The following SMYD3 variants were observed in gnomAD, a reference collection of about 807,000 sequenced individuals.
SMYD3 encodes the protein histone-lysine N-methyltransferase SMYD3.
A neutral mutation model predicts 57.7 loss-of-function variants in SMYD3; 36 were observed. The ratio of observed to expected loss-of-function variants is 0.62; its 90% CI spans 0.48 to 0.82. SMYD3 has a LOEUF of 0.82. SMYD3 is among the 40% of genes least tolerant of loss of function. SMYD3 has a pLI of 0.00. For synonymous variants in SMYD3, 211 were observed against 195.0 expected, an observed-to-expected ratio of 1.08 and a Z score of -0.68; for missense variants, 515 against 538.8, an observed-to-expected ratio of 0.96 and a Z score of 0.44.
intron 7 of SMYD3, among the ~76,000 whole-genome samples, chr1:245,924,811 C>T (rs556151344): frequency 2.3e-4 from 35 of 151,968 alleles, no homozygotes; most frequent in Non-Finnish European, 4.0e-4. Context: ...TACAGGTGTG[C>T]GCCACCACAC....
intron 1 of SMYD3, among the ~76,000 whole-genome samples, chr1:246,442,331 CTG>C (rs1379179237): frequency 2.6e-5 from 4 of 151,802 alleles, no homozygotes; most frequent in African/African-American, 9.7e-5. Context: ...CCGAGGCAGG[CTG>C]AGGTCACGAG....
chr1:245,985,024 A>T (rs1486746590), intron 5 of SMYD3, among the ~76,000 whole-genome samples: 1 of 151,780 alleles, frequency 6.6e-6, no homozygotes, highest in African/African-American at 2.4e-5. Flanking sequence ...TCCCTGTTTG[A>T]CTCTCTGCCT....
intron 5 of SMYD3, among the ~76,000 whole-genome samples, chr1:246,115,705 A>G (rs751262641): frequency 5.3e-5 from 8 of 152,158 alleles, no homozygotes; most frequent in Non-Finnish European, 1.2e-4. Context: ...GAAAAGAAAA[A>G]CATTTCTTGA....
intron 1 of SMYD3, among the ~76,000 whole-genome samples, chr1:246,358,058 G>A (rs1431870858): frequency 2.0e-5 from 3 of 152,150 alleles, no homozygotes; most frequent in Non-Finnish European, 2.9e-5. Context: ...AATTTCTGCT[G>A]TCTTCAGGAG....
At chr1:246,339,753 A>G (rs907698312) in intron 2 of SMYD3, among the ~76,000 whole-genome samples, 2 of 152,224 alleles carry the variant, frequency 1.3e-5, no homozygotes, top group African/African-American at 4.8e-5. Context: ...TCAGTAGCAC[A>G]GCGCTCACGA....
intron 5 of SMYD3, among the ~76,000 whole-genome samples, chr1:245,946,042 A>G (rs2057418184): frequency 6.6e-6 from 1 of 152,200 alleles, no homozygotes; most frequent in Non-Finnish European, 1.5e-5. Flanking sequence ...ATGGGGTGAT[A>G]GCTGCAGCAA....
chr1:246,506,279 G>A (rs974982585), intron 1 of SMYD3, among the ~76,000 whole-genome samples: 1 of 152,088 alleles, frequency 6.6e-6, no homozygotes, highest in African/African-American at 2.4e-5. Context: ...CTTTCACATA[G>A]CACTTTACAC....
intron 2 of SMYD3, among the ~76,000 whole-genome samples, chr1:246,347,623 C>T (rs1031462213): frequency 3.3e-5 from 5 of 152,106 alleles, no homozygotes; most frequent in African/African-American, 1.2e-4. Context: ...AGAGGTGGGA[C>T]CATTAAGAGG....
intron 10 of SMYD3, among the ~76,000 whole-genome samples, chr1:245,795,120 G>A (rs1447166953): frequency 6.6e-6 from 1 of 151,968 alleles, no homozygotes; most frequent in African/African-American, 2.4e-5. Context: ...AAGTGCCTAC[G>A]CCCTCATCTT....
chr1:246,501,330 C>G (rs910626659), intron 1 of SMYD3, among the ~76,000 whole-genome samples: 2 of 152,186 alleles, frequency 1.3e-5, no homozygotes, highest in East Asian at 3.8e-4. Context: ...TGAAACTATT[C>G]ATGCCAATGT....
chr1:246,450,283 C>A (rs2067613546), intron 1 of SMYD3, among the ~76,000 whole-genome samples: 1 of 151,560 alleles, frequency 6.6e-6, no homozygotes, highest in East Asian at 1.9e-4. Context: ...AAAAGCGAAA[C>A]TCTATCTCAA....
At chr1:245,797,390 G>T (rs1216389943) in intron 10 of SMYD3, among the ~76,000 whole-genome samples, 2 of 151,152 alleles carry the variant, frequency 1.3e-5, no homozygotes, top group African/African-American at 2.5e-5. Flanking sequence ...CATGGATGAA[G>T]CTGGAAACCA....
intron 5 of SMYD3, among the ~76,000 whole-genome samples, chr1:246,269,861 C>A (rs1240402689): frequency 6.6e-6 from 1 of 152,168 alleles, no homozygotes; most frequent in Non-Finnish European, 1.5e-5. Context: ...GCGTGTACCA[C>A]CACACCCAGC....
chr1:245,862,559 A>G (rs1162083111), intron 9 of SMYD3, among the ~76,000 whole-genome samples: 3 of 152,086 alleles, frequency 2.0e-5, no homozygotes, highest in Non-Finnish European at 4.4e-5. Flanking sequence ...CTCCCCATCT[A>G]CGTCACTTTG....
intron 5 of SMYD3, among the ~76,000 whole-genome samples, chr1:246,259,875 G>A (rs188279334): frequency 1.3e-5 from 2 of 152,202 alleles, no homozygotes; most frequent in Non-Finnish European, 2.9e-5. Context: ...TCTCTGCACA[G>A]GAATGGGAAA....
intron 1 of SMYD3, among the ~76,000 whole-genome samples, chr1:246,395,796 G>A (rs1328234067): frequency 6.6e-5 from 10 of 151,784 alleles, no homozygotes; most frequent in East Asian, 1.9e-4. Context: ...AGACAGGGAA[G>A]AGGAACCCAC....
intron 1 of SMYD3, among the ~76,000 whole-genome samples, chr1:246,369,870 T>C (rs973533207): frequency 6.0e-5 from 9 of 149,986 alleles, no homozygotes; most frequent in South Asian, 4.3e-4. Context: ...CATTTCATCT[T>C]ATTTCACATT....
At chr1:246,211,422 G>A (rs2063084731) in intron 5 of SMYD3, among the ~76,000 whole-genome samples, 1 of 152,054 alleles carries the variant, frequency 6.6e-6, no homozygotes, top group Admixed American at 6.5e-5. Flanking sequence ...CTCTGTTAAA[G>A]CTCTTGTCTT....
At chr1:246,187,455 G>C (rs1241064850) in intron 5 of SMYD3, among the ~76,000 whole-genome samples, 1 of 152,082 alleles carries the variant, frequency 6.6e-6, no homozygotes, top group Non-Finnish European at 1.5e-5. Context: ...AGAAAGCAAG[G>C]AATAATGTTT....
Sources: gnomAD v4.1 joint callset for allele counts (sites outside exome capture counted in the v4.1 genomes callset) on GRCh38, gnomAD v4.1.1 for gene constraint, MANE v1.5 for transcripts, NCBI Gene and HGNC (gene_info 2026-07-23, HGNC 2026-07-21) for gene names.